The following TFAP2D variants were observed in gnomAD, a reference collection of about 807,000 sequenced individuals.
TFAP2D encodes the protein transcription factor AP-2 delta, also known as transcription factor AP-2-delta.
A neutral mutation model predicts 43.6 loss-of-function variants in TFAP2D; 9 were observed. The observed-to-expected ratio is 0.21, with a 90% CI of 0.12 to 0.36. The LOEUF is 0.36. Ranked by LOEUF, TFAP2D falls within the 10% of genes least tolerant of loss-of-function variation. The probability of loss-of-function intolerance (pLI) is 1.00; values close to 1 mark genes in which losing one functional copy is unlikely to be tolerated. For missense variants in TFAP2D, 513 were observed against 561.4 expected (o/e 0.91, Z 0.87); for synonymous variants, 256 against 224.9 (o/e 1.14, Z -1.24).
At position 50,715,468 on chromosome 6, in the gene TFAP2D, G is replaced by T; in HGVS notation, c.392G>T (p.Arg131Met). The T allele has an allele frequency of 1.9e-6, 3 of 1,614,050 alleles. No homozygotes were observed. Among genetic ancestry groups the T allele is most frequent in the Non-Finnish European group, 2.5e-6 (3 of 1,180,032 alleles). ...AAGTCGTCCTGCCTGGACGAGCAGA[G>T]GCGGGAGCTGGGCTGCCTCGATGCC... is the stretch of plus-strand genomic sequence containing the variant. ...ALKSSCLDEQRRELGCLDAYR... is the reference protein window; with the variant it reads ...ALKSSCLDEQMRELGCLDAYR... The change falls in exon 2 of 8, where the codon AGG becomes ATG. Residue 131 changes from arginine (R) to methionine (M), a missense_variant. Coordinates refer to ENST00000008391, the MANE Select transcript of TFAP2D (RefSeq NM_172238.4).
At chr6:50,745,340 C>G (rs896671729) in intron 6 of TFAP2D, 92 bp downstream of exon 6, 1 of 1,538,930 alleles carries the variant, frequency 6.5e-7, no homozygotes, top group Admixed American at 2.0e-5. Context: ...AGAAGGCACC[C>G]GTTCTCTAAA....
At chr6:50,739,430 C>T (rs1308978812) in intron 5 of TFAP2D, among the ~76,000 whole-genome samples, 1 of 152,132 alleles carries the variant, frequency 6.6e-6, no homozygotes, top group Non-Finnish European at 1.5e-5. Context: ...CATAGTATTC[C>T]ATGGTGTATA....
At chr6:50,759,319 T>C (rs772148098) in intron 7 of TFAP2D, among the ~76,000 whole-genome samples, 5 of 151,970 alleles carry the variant, frequency 3.3e-5, no homozygotes, top group Non-Finnish European at 5.9e-5. Context: ...GCTAGATGTG[T>C]GGATTTAGAA....
At chr6:50,720,678 C>CA (rs34987642) in intron 3 of TFAP2D, among the ~76,000 whole-genome samples, 1 of 151,950 alleles carries the variant, frequency 6.6e-6, no homozygotes, top group African/African-American at 2.4e-5. Flanking sequence ...TTGGAGGAGG[C>CA]AAAAAAGATT....
chr6:50,771,013 TG>T (rs1390365570), intron 7 of TFAP2D, among the ~76,000 whole-genome samples: 3 of 152,184 alleles, frequency 2.0e-5, no homozygotes, highest in African/African-American at 7.2e-5. Flanking sequence ...GTGAACAATC[TG>T]GGTAGCTTCT....
At chr6:50,745,987 T>C (rs1769120392) in intron 6 of TFAP2D, among the ~76,000 whole-genome samples, 1 of 152,126 alleles carries the variant, frequency 6.6e-6, no homozygotes. Context: ...TACCATTTAT[T>C]GTGTAAAAAT....
intron 5 of TFAP2D, among the ~76,000 whole-genome samples, chr6:50,742,624 A>AGAT (rs1408536524): frequency 7.3e-6 from 1 of 137,020 alleles, no homozygotes; most frequent in African/African-American, 2.7e-5. Context: ...ATAGATAGAT[A>AGAT]GATAGATGAT....
chr6:50,737,715 T>G (rs1307457985), intron 5 of TFAP2D, among the ~76,000 whole-genome samples: 1 of 152,210 alleles, frequency 6.6e-6, no homozygotes, highest in Non-Finnish European at 1.5e-5. Context: ...TTAGTGTTCA[T>G]TCTTTTTTTT....
chr6:50,753,464 C>T (rs530005450), intron 7 of TFAP2D, among the ~76,000 whole-genome samples: 1 of 151,994 alleles, frequency 6.6e-6, no homozygotes, highest in African/African-American at 2.4e-5. Flanking sequence ...TTAGAGAAAA[C>T]TCACTTCAAA....
intron 7 of TFAP2D, among the ~76,000 whole-genome samples, chr6:50,759,903 T>G (rs574754637): frequency 1.3e-5 from 2 of 151,920 alleles, no homozygotes; most frequent in Non-Finnish European, 2.9e-5. Context: ...AGCACACATC[T>G]CCCAATCTGA....
intron 5 of TFAP2D, among the ~76,000 whole-genome samples, chr6:50,739,993 A>G (rs1387710814): frequency 6.6e-6 from 1 of 152,192 alleles, no homozygotes; most frequent in African/African-American, 2.4e-5. Context: ...CTTTCCGAAG[A>G]GTCTGGGAAA....
intron 7 of TFAP2D, among the ~76,000 whole-genome samples, chr6:50,756,267 T>C (rs1364705462): frequency 1.3e-5 from 2 of 152,080 alleles, no homozygotes; most frequent in African/African-American, 2.4e-5. Context: ...ATATCACATC[T>C]GACTTTGAAA....
chr6:50,762,685 A>G (rs1769379780), intron 7 of TFAP2D, among the ~76,000 whole-genome samples: 1 of 152,138 alleles, frequency 6.6e-6, no homozygotes, highest in African/African-American at 2.4e-5. Context: ...ATGACTGTTA[A>G]ATATAAGTTA....
Position 50,715,566 on chromosome 6 carries a change from C to T in TFAP2D, c.490C>T (p.Pro164Ser), listed in dbSNP as rs756145759. ...AATGCACCCAGATCAAAGACTCCTG[C>T]CAGGGCCCAGCCTGGGGCTGGCCGC... is the stretch of plus-strand genomic sequence containing the variant. ...YGMHPDQRLL[P>S]GPSLGLAAAG... The change falls in exon 2 of 8, where the codon CCA becomes TCA. Residue 164 changes from proline (P) to serine (S), a missense_variant. Around this residue, in one of 3 missense-constraint regions of TFAP2D, gnomAD observed 311 missense variants for 316.2 expected, o/e 0.98. Transcript: ENST00000008391. The T allele has an allele frequency of 6.2e-7, 1 of 1,607,794 alleles. No homozygotes were observed. Among genetic ancestry groups the T allele is most frequent in the African/African-American group, 1.3e-5 (1 of 74,848 alleles).
Position 50,714,020 on chromosome 6 carries a change from G to C in TFAP2D, c.-36G>C. 1.2e-6 allele frequency: 2 copies of C among 1,611,752 alleles called. No individual in the cohort carries two copies. Among genetic ancestry groups the C allele is most frequent in the Non-Finnish European group, 1.7e-6 (2 of 1,179,380 alleles). ...TTTTTCCCGATTCTTTTTTTGGAGG[G>C]GGAAATTGCATCGTAAGCTTTCGGA... On this transcript the variant is annotated 5_prime_UTR_variant, in exon 1 of 8. Transcript: ENST00000008391.
In TFAP2D at chr6:50,714,082, C is replaced by T. The variant is rs772976908; in HGVS notation, c.27C>T (p.Val9=). Residue 9 remains valine, a synonymous_variant, in exon 1 of 8, where the codon GTC becomes GTT. Coordinates refer to ENST00000008391, the MANE Select transcript of TFAP2D (RefSeq NM_172238.4). MSTTFPGL[V]HDAEIRHDGS... ...TGTCAACTACCTTTCCGGGACTAGT[C>T]CACGATGCCGAGGTATTATTACTTT... 1 of 1,610,234 alleles carries T rather than the reference C, an allele frequency of 6.2e-7. No individual in the cohort carries two copies. The highest frequency in any genetic ancestry group is 8.5e-7 in the Non-Finnish European group (1 of 1,179,090).
At chr6:50,731,501 T>C (rs568502963) in intron 5 of TFAP2D, among the ~76,000 whole-genome samples, 16 of 151,928 alleles carry the variant, frequency 1.1e-4, no homozygotes, top group Non-Finnish European at 2.4e-4. Flanking sequence ...ATGTACAATA[T>C]TCTCTGACAT....
chr6:50,715,470 C>G lies in TFAP2D; in HGVS notation c.394C>G (p.Arg132Gly), dbSNP rs1326777314. 1 of 1,613,902 alleles carries G rather than the reference C, an allele frequency of 6.2e-7. No homozygotes were observed. The highest frequency in any genetic ancestry group is 8.5e-7 in the Non-Finnish European group (1 of 1,180,042). ...GTCGTCCTGCCTGGACGAGCAGAGG[C>G]GGGAGCTGGGCTGCCTCGATGCCTA... ...LKSSCLDEQR[R>G]ELGCLDAYRR... Residue 132 changes from arginine (R) to glycine (G), a missense_variant, in exon 2 of 8, where the codon CGG (arginine) becomes GGG (glycine). Physicochemically the swap from Arg to Gly is moderately radical, Grantham distance 125. Transcript: ENST00000008391.
intron 5 of TFAP2D, among the ~76,000 whole-genome samples, chr6:50,731,953 T>G (rs1768900982): frequency 6.6e-6 from 1 of 152,054 alleles, no homozygotes; most frequent in South Asian, 2.1e-4. Context: ...TCAGCATTTT[T>G]GGCAACTTGA....
Sources: allele counts gnomAD v4.1 joint callset (sites outside exome capture counted in the v4.1 genomes callset), GRCh38; gene constraint gnomAD v4.1.1; regional missense constraint gnomAD v4.1.1; transcripts MANE v1.5; gene names NCBI Gene and HGNC (gene_info 2026-07-23, HGNC 2026-07-21).